The following EYS variants were observed in gnomAD, a reference collection of about 807,000 sequenced individuals.
EYS encodes the protein EGF-like photoreceptor maintenance factor, also known as protein eyes shut homolog.
EYS carries 250 observed loss-of-function variants against 282.1 expected under a neutral mutation model. The ratio of observed to expected loss-of-function variants is 0.89; its 90% CI spans 0.80 to 0.98. The LOEUF (loss-of-function observed/expected upper bound fraction) is 0.98. Among genes scored for constraint, EYS ranks in the 50% least tolerant of loss-of-function variants. EYS has a pLI of 0.00. For synonymous variants in EYS, 1,355 were observed against 1,282.9 expected, an observed-to-expected ratio of 1.06 and a Z score of -1.20; for missense variants, 4,016 against 3,709.0, an observed-to-expected ratio of 1.08 and a Z score of -2.15.
chr6:64,330,808 G>A lies in EYS; in HGVS notation c.6079-23726C>T, dbSNP rs573598223. On this transcript the variant is annotated intron_variant, in intron 29 of 42. Coordinates refer to ENST00000503581, the MANE Select transcript of EYS (RefSeq NM_001142800.2). The stretch of plus-strand genomic sequence containing the variant: ...ATGTTAAGATATCAAGGACTTTTTT[G>A]TGAAAACCCCTATATAACCTTAGAG... 1.8e-4 allele frequency among the ~76,000 whole-genome samples: 28 copies of A among 152,166 alleles called. No homozygotes were observed. The South Asian group carries it at 5.0e-3, about 27-fold the overall frequency.
chr6:65,221,038 T>A (rs904945297), intron 12 of EYS, among the ~76,000 whole-genome samples: 3 of 152,222 alleles, frequency 2.0e-5, no homozygotes, highest in Non-Finnish European at 2.9e-5. Context: ...AAGAAGTGAC[T>A]TGGGTACTGT....
rs746412726 is a variant in EYS at position 64,617,413 on chromosome 6, T to C, written c.3684+5A>G. 6.6e-7 allele frequency: 1 copy of C among 1,520,496 alleles called. No homozygotes were observed. The allele number at this position is 1,520,496 out of a possible 1,614,324, so 94.2% of individuals were successfully genotyped here. On this transcript the variant is annotated splice_donor_5th_base_variant and intron_variant, in intron 24 of 42. Coordinates refer to ENST00000503581, the MANE Select transcript of EYS (RefSeq NM_001142800.2). The stretch of plus-strand genomic sequence containing the variant: ...ATTACAACCACAACCACCAGTAATC[T>C]TTACCATAAATCCAGGTGTGCATAA...
chr6:65,234,810 A>G (rs534675174), intron 12 of EYS, among the ~76,000 whole-genome samples: 12 of 152,320 alleles, frequency 7.9e-5, no homozygotes, highest in African/African-American at 2.9e-4. Context: ...AAGAGAAACA[A>G]TCTCATTAAT....
At chr6:64,596,633 C>A (rs542240727) in intron 24 of EYS, among the ~76,000 whole-genome samples, 227 of 152,096 alleles carry the variant, frequency 1.5e-3, no homozygotes, top group Non-Finnish European at 2.6e-3. Context: ...CAATAAATAG[C>A]GCAGGGAAAA....
intron 2 of EYS, among the ~76,000 whole-genome samples, chr6:65,610,139 A>G (rs1455038862): frequency 6.6e-6 from 1 of 152,020 alleles, no homozygotes; most frequent in Non-Finnish European, 1.5e-5. Flanking sequence ...AACTCAGGCC[A>G]CAAGTGAACC....
intron 19 of EYS, among the ~76,000 whole-genome samples, chr6:64,857,779 CT>C (rs1562228606): frequency 6.6e-6 from 1 of 151,968 alleles, no homozygotes; most frequent in Non-Finnish European, 1.5e-5. Flanking sequence ...GGTTCTCTTT[CT>C]TTTTTGTTTT....
chr6:64,997,207 T>C (rs1267677555), intron 14 of EYS, among the ~76,000 whole-genome samples: 1 of 152,102 alleles, frequency 6.6e-6, no homozygotes, highest in Admixed American at 6.6e-5. Flanking sequence ...ATAATGATAA[T>C]GAAATACATG....
Position 64,306,963 on chromosome 6 carries a change from AT to A in EYS, c.6191+6del. On this transcript the variant is annotated splice_donor_region_variant and intron_variant, in intron 30 of 42. Coordinates refer to ENST00000503581, the MANE Select transcript of EYS (RefSeq NM_001142800.2). ...AGTTATTAGAAAAATCACTACTGCT[AT>A]TTTACCTGCAATTGTTAATGTGATA... 7.4e-7 allele frequency: 1 copy of A among 1,342,446 alleles called. No homozygotes were observed. Among genetic ancestry groups the A allele is most frequent in the Non-Finnish European group, 1.0e-6 (1 of 960,056 alleles). The allele number at this position is 1,342,446 out of a possible 1,614,324, so 83.2% of individuals were successfully genotyped here.
At chr6:63,831,752 A>G (rs1381823076) in intron 36 of EYS, among the ~76,000 whole-genome samples, 1 of 152,204 alleles carries the variant, frequency 6.6e-6, no homozygotes, top group Non-Finnish European at 1.5e-5. Flanking sequence ...CCCCAAATCA[A>G]CAGAATATAC....
At chr6:64,773,466 C>T (rs1197466711) in intron 22 of EYS, among the ~76,000 whole-genome samples, 4 of 151,442 alleles carry the variant, frequency 2.6e-5, no homozygotes, top group East Asian at 3.9e-4. Context: ...TATGGTAGAA[C>T]GATTTATAGT....
At chr6:65,304,753 TG>T in intron 11 of EYS, 1 of 183,880 alleles carries the variant, frequency 5.4e-6, no homozygotes, top group Non-Finnish European at 1.0e-5. Context: ...CGGAGGTGTC[TG>T]GCCCTTCCTC....
intron 28 of EYS, among the ~76,000 whole-genome samples, chr6:64,399,806 A>C (rs1773488663): frequency 6.6e-6 from 1 of 151,970 alleles, no homozygotes. Context: ...GTACAAAAAT[A>C]TCTCTTATAT....
At position 63,720,458 on chromosome 6, in the gene EYS, T is replaced by G. The variant is rs747686160; in HGVS notation, c.*138A>C. The G allele has an allele frequency of 4.9e-6, 3 of 610,876 alleles. No homozygotes were observed. Among genetic ancestry groups the G allele is most frequent in the Non-Finnish European group, 5.3e-6 (2 of 375,408 alleles). 37.8% of individuals were successfully genotyped at this position (610,876 alleles called of 1,614,324 possible). A position where few individuals can be genotyped will look rare whatever the true frequency, so the allele number is the denominator to read the frequency against. The stretch of plus-strand genomic sequence containing the variant: ...CCTTCAGTGACATTTTACAATCTTA[T>G]CAAAAAGATATGTTAGCATTTAGAC... On this transcript the variant is annotated 3_prime_UTR_variant, in exon 43 of 43. Transcript: ENST00000503581.
chr6:63,755,161 G>A (rs1381283886), intron 41 of EYS, among the ~76,000 whole-genome samples: 1 of 152,086 alleles, frequency 6.6e-6, no homozygotes, highest in Non-Finnish European at 1.5e-5. Context: ...TCTGATGATA[G>A]TTTCTTTTGC....
intron 2 of EYS, among the ~76,000 whole-genome samples, chr6:65,552,735 T>C (rs181715233): frequency 6.6e-6 from 1 of 152,132 alleles, no homozygotes; most frequent in Admixed American, 6.5e-5. Flanking sequence ...TCACAAGGGG[T>C]TCAAACCATT....
intron 26 of EYS, among the ~76,000 whole-genome samples, chr6:64,499,850 T>C (rs1776986556): frequency 6.6e-6 from 1 of 152,158 alleles, no homozygotes; most frequent in Non-Finnish European, 1.5e-5. Flanking sequence ...TTCTTATAGT[T>C]TGATCATTTC....
intron 13 of EYS, among the ~76,000 whole-genome samples, chr6:65,032,762 T>C (rs1251355374): frequency 1.3e-5 from 2 of 151,620 alleles, no homozygotes; most frequent in Non-Finnish European, 2.9e-5. Flanking sequence ...TACTGAAGAG[T>C]AGAATATTGC....
intron 36 of EYS, among the ~76,000 whole-genome samples, chr6:63,863,675 C>CTTTTTTTTT (rs1284326554): frequency 1.3e-4 from 8 of 60,054 alleles, no homozygotes; most frequent in Non-Finnish European, 2.1e-4. Context: ...TTTCTTTTTT[C>CTTTTTTTTT]TTTTTTTTTT....
chr6:64,584,726 T>C (rs1249686696), intron 26 of EYS, among the ~76,000 whole-genome samples: 1 of 152,108 alleles, frequency 6.6e-6, no homozygotes, highest in East Asian at 1.9e-4. Flanking sequence ...CATTTTGCCA[T>C]CAATTTAAAA....
Sources: gnomAD v4.1 joint callset for allele counts (sites outside exome capture counted in the v4.1 genomes callset) on GRCh38, gnomAD v4.1.1 for gene constraint, MANE v1.5 for transcripts, NCBI Gene and HGNC (gene_info 2026-07-23, HGNC 2026-07-21) for gene names.